The following NEGR1 variants were observed in gnomAD, a reference collection of about 807,000 sequenced individuals.
NEGR1 encodes neuronal growth regulator 1.
Under a neutral mutation model 40.9 loss-of-function variants are expected in NEGR1, and 10 were observed. The observed-to-expected ratio is 0.24, with a 90% CI of 0.15 to 0.42. The LOEUF (loss-of-function observed/expected upper bound fraction) is 0.42, where lower values mean the gene tolerates loss of function less well. Ranked by LOEUF, NEGR1 falls within the 10% of genes least tolerant of loss-of-function variation. NEGR1 has a pLI of 1.00. For synonymous variants in NEGR1, 185 were observed against 166.8 expected (o/e 1.11, Z -0.84); for missense variants, 352 against 438.9 (o/e 0.80, Z 1.77).
chr1:71,656,295 C>T (rs1227299200), intron 4 of NEGR1, among the ~76,000 whole-genome samples: 1 of 152,180 alleles, frequency 6.6e-6, no homozygotes, highest in African/African-American at 2.4e-5. Flanking sequence ...CCCCTATTCT[C>T]CTTCTAACAG....
intron 6 of NEGR1, among the ~76,000 whole-genome samples, chr1:71,571,825 C>T (rs1374196890): frequency 6.7e-6 from 1 of 149,176 alleles, no homozygotes; most frequent in Non-Finnish European, 1.5e-5. Flanking sequence ...AATTTGAGCT[C>T]ATTATGCACA....
At chr1:72,220,543 G>C (rs1465619898) in intron 1 of NEGR1, among the ~76,000 whole-genome samples, 2 of 151,978 alleles carry the variant, frequency 1.3e-5, no homozygotes, top group East Asian at 1.9e-4. Flanking sequence ...ACCAAAGAAA[G>C]AATGGGAAAA....
chr1:72,076,426 T>C (rs1350955401), intron 1 of NEGR1, among the ~76,000 whole-genome samples: 1 of 152,166 alleles, frequency 6.6e-6, no homozygotes, highest in Non-Finnish European at 1.5e-5. Context: ...TAAATACATT[T>C]CTGTTGCTTA....
intron 2 of NEGR1, among the ~76,000 whole-genome samples, chr1:71,857,532 G>C (rs1659816087): frequency 6.9e-6 from 1 of 144,482 alleles, no homozygotes. Context: ...AGGATCTGAA[G>C]TGGGAAGATC....
At chr1:71,478,864 GA>G (rs907790455) in intron 6 of NEGR1, among the ~76,000 whole-genome samples, 7 of 150,508 alleles carry the variant, frequency 4.7e-5, no homozygotes, top group African/African-American at 9.7e-5. Context: ...GATAGATAGG[GA>G]AAAAAAAATC....
intron 1 of NEGR1, among the ~76,000 whole-genome samples, chr1:72,141,277 T>C (rs2100335335): frequency 6.6e-6 from 1 of 152,048 alleles, no homozygotes; most frequent in East Asian, 1.9e-4. Context: ...GAACACTTTG[T>C]AAAGAGGCAA....
intron 1 of NEGR1, among the ~76,000 whole-genome samples, chr1:72,069,489 G>C (rs937921486): frequency 2.0e-5 from 3 of 151,946 alleles, no homozygotes; most frequent in Non-Finnish European, 4.4e-5. Context: ...TATGAATTTT[G>C]ATTAAGATGG....
intron 6 of NEGR1, among the ~76,000 whole-genome samples, chr1:71,580,907 C>T (rs74088190): frequency 2.6e-4 from 40 of 152,102 alleles, no homozygotes; most frequent in African/African-American, 8.9e-4. Context: ...CTAAAGCTGG[C>T]TTATACTAGC....
At chr1:71,700,016 T>C (rs888309879) in intron 3 of NEGR1, among the ~76,000 whole-genome samples, 1 of 151,960 alleles carries the variant, frequency 6.6e-6, no homozygotes, top group Admixed American at 6.6e-5. Flanking sequence ...GTCTCAGGTA[T>C]GTCTTTATCA....
intron 1 of NEGR1, among the ~76,000 whole-genome samples, chr1:72,223,447 A>G (rs1283405323): frequency 6.6e-6 from 1 of 152,200 alleles, no homozygotes. Flanking sequence ...CTCTTTGGAT[A>G]ATGTTATTAT....
chr1:72,092,406 TG>T (rs1048590216), intron 1 of NEGR1, among the ~76,000 whole-genome samples: 1 of 152,132 alleles, frequency 6.6e-6, no homozygotes, highest in Non-Finnish European at 1.5e-5. Context: ...GAGAGGCATT[TG>T]GGGAAAATTT....
intron 2 of NEGR1, among the ~76,000 whole-genome samples, chr1:71,798,857 A>G (rs1657438766): frequency 6.6e-6 from 1 of 152,096 alleles, no homozygotes; most frequent in Non-Finnish European, 1.5e-5. Flanking sequence ...TTAATCCCCT[A>G]TTTTGTGAGT....
chr1:71,761,612 C>T (rs1463556794), intron 3 of NEGR1, among the ~76,000 whole-genome samples: 1 of 152,170 alleles, frequency 6.6e-6, no homozygotes, highest in African/African-American at 2.4e-5. Flanking sequence ...CTTTAACCCA[C>T]ATGATTTCCA....
intron 2 of NEGR1, among the ~76,000 whole-genome samples, chr1:71,776,791 T>G (rs1391436189): frequency 1.3e-5 from 2 of 152,136 alleles, no homozygotes; most frequent in Non-Finnish European, 2.9e-5. Flanking sequence ...AAAGGTATTT[T>G]TGACTTTAAT....
At chr1:71,683,002 A>G (rs1557611355) in intron 4 of NEGR1, among the ~76,000 whole-genome samples, 1 of 38,316 alleles carries the variant, frequency 2.6e-5, no homozygotes, top group Non-Finnish European at 5.4e-5. Context: ...CAGAATCATG[A>G]GCCAAATAAA....
intron 2 of NEGR1, among the ~76,000 whole-genome samples, chr1:71,808,760 G>T (rs1657873526): frequency 6.6e-6 from 1 of 152,040 alleles, no homozygotes; most frequent in Admixed American, 6.6e-5. Flanking sequence ...AATAGAAAAT[G>T]AGACATTTTT....
intron 2 of NEGR1, among the ~76,000 whole-genome samples, chr1:71,857,354 G>A (rs940940433): frequency 1.3e-5 from 2 of 150,140 alleles, no homozygotes; most frequent in Non-Finnish European, 3.0e-5. Context: ...GCTCATGCCT[G>A]TATTCCTAGC....
At chr1:71,612,138 C>A (rs980255768) in intron 4 of NEGR1, among the ~76,000 whole-genome samples, 6 of 152,170 alleles carry the variant, frequency 3.9e-5, no homozygotes, top group African/African-American at 7.2e-5. Flanking sequence ...AGGAGAATGG[C>A]GTGAACCCAG....
chr1:72,272,760 C>A (rs1655887937), intron 1 of NEGR1, among the ~76,000 whole-genome samples: 1 of 151,976 alleles, frequency 6.6e-6, no homozygotes, highest in South Asian at 2.1e-4. Context: ...AGCATGAGCA[C>A]TGGACCTATG....
Sources: gnomAD v4.1 joint callset for allele counts (sites outside exome capture counted in the v4.1 genomes callset) on GRCh38, gnomAD v4.1.1 for gene constraint, MANE v1.5 for transcripts, NCBI Gene and HGNC (gene_info 2026-07-23, HGNC 2026-07-21) for gene names.